Variants in ITGAL observed in about 807,000 individuals in gnomAD.
ITGAL encodes the protein integrin alpha-L.
In ITGAL, 68 loss-of-function variants were observed where a neutral mutation model predicts 138.4. The observed-to-expected ratio is 0.49, with a 90% CI of 0.40 to 0.60. ITGAL has a LOEUF of 0.60. Ranked by LOEUF, ITGAL falls within the 20% of genes least tolerant of loss-of-function variation. The pLI is 0.00. For missense variants in ITGAL, 1,256 were observed against 1,478.6 expected (o/e 0.85, Z 2.47); for synonymous variants, 561 against 584.3 (o/e 0.96, Z 0.57).
At chr16:30,514,463 G>C (rs908899598) in intron 25 of ITGAL, among the ~76,000 whole-genome samples, 1 of 152,132 alleles carries the variant, frequency 6.6e-6, no homozygotes, top group Non-Finnish European at 1.5e-5. Context: ...TTTTAGTAGA[G>C]ATGGGGTTTT....
intron 20 of ITGAL, 68 bp downstream of exon 20, chr16:30,505,530 A>G: frequency 8.4e-7 from 1 of 1,185,406 alleles, no homozygotes; most frequent in East Asian, 2.3e-5. Flanking sequence ...TCCACTCACC[A>G]GATATGTCAT....
In ITGAL at chr16:30,502,396, CAA is replaced by C. The variant is rs57501055; in HGVS notation, c.2146-1756_2146-1755del. Among the ~76,000 whole-genome samples, 48 of 80,072 alleles carry C rather than the reference CAA, an allele frequency of 6.0e-4. 1 individual carries two copies. The highest frequency in any genetic ancestry group is 1.5e-3 in the East Asian group (3 of 2,038). The allele number at this position is 80,072 out of a possible 152,430, so 52.5% of individuals were successfully genotyped here. Reference sequence around the variant, plus strand: ...TGGGCGACAGAGCAAGACTCCATCTCAAAAAAAAAAAAAAAAAAAAAAAAGGA... The same window carrying C: ...TGGGCGACAGAGCAAGACTCCATCTCAAAAAAAAAAAAAAAAAAAAAAGGA... On this transcript the variant is annotated intron_variant, in intron 17 of 30. Coordinates refer to ENST00000356798, the MANE Select transcript of ITGAL (RefSeq NM_002209.3).
intron 27 of ITGAL, 28 bp downstream of exon 27, chr16:30,517,733 G>A (rs2051190359): frequency 6.2e-7 from 1 of 1,613,144 alleles, no homozygotes; most frequent in East Asian, 2.2e-5. Context: ...GAGAGACGGT[G>A]GGGCTGGGCG....
At position 30,499,089 on chromosome 16, in the gene ITGAL, G is replaced by A. The variant is rs1567477544; in HGVS notation, c.1848G>A (p.Val616=). 1.2e-6 allele frequency: 2 copies of A among 1,614,042 alleles called. No individual in the cohort carries two copies. The highest frequency in any genetic ancestry group is 1.7e-6 in the Non-Finnish European group (2 of 1,179,996). ...TGCCCTGCAGCTCCCGGCCCGTGGT[G>A]GATATGGTCACCCTGATGTCCTTCT... The part of the protein sequence containing the change: ...QMIVLSSRPV[V]DMVTLMSFSP... The change falls in exon 16 of 31, where the codon GTG becomes GTA. Residue 616 remains valine (V), a synonymous_variant. Transcript: ENST00000356798.
At chr16:30,510,566 T>C in intron 22 of ITGAL, 95 bp downstream of exon 22, 1 of 773,346 alleles carries the variant, frequency 1.3e-6, no homozygotes, top group East Asian at 2.5e-5. Context: ...GAGCAGGTGA[T>C]TGTCAAGAAG....
In ITGAL at chr16:30,472,772, G is replaced by A; in HGVS notation, c.-66G>A. Reference sequence around the variant, plus strand: ...TTTCCTCTTTCACCCTGTCTAGGTTGCCAGCAAATCCCACGGGCCTCCTGA... The same window carrying A: ...TTTCCTCTTTCACCCTGTCTAGGTTACCAGCAAATCCCACGGGCCTCCTGA... On this transcript the variant is annotated 5_prime_UTR_variant, in exon 1 of 31. Coordinates refer to ENST00000356798, the MANE Select transcript of ITGAL (RefSeq NM_002209.3). The A allele has an allele frequency of 2.1e-6, 3 of 1,446,130 alleles. No individual in the cohort carries two copies. The highest frequency in any genetic ancestry group is 1.9e-6 in the Non-Finnish European group (2 of 1,035,892). The allele number at this position is 1,446,130 out of a possible 1,614,324, so 89.6% of individuals were successfully genotyped here. A position where few individuals can be genotyped will look rare whatever the true frequency, so the allele number is the denominator to read the frequency against.
chr16:30,510,944 C>A lies in ITGAL; in HGVS notation c.2683C>A (p.His895Asn). Residue 895 changes from histidine to asparagine, a missense_variant, in exon 23 of 31, where the codon CAC (histidine) becomes AAC (asparagine). Physicochemically the swap from His to Asn is moderately conservative, Grantham distance 68. This residue lies in a region of ITGAL where 867 missense variants were observed against 972.5 expected (regional missense o/e 0.89). Transcript: ENST00000356798. The part of the protein sequence containing the change: ...NSSWGDSVEL[H>N]ANVTCNNEDS... ...CTCCTGGGGGGACTCGGTTGAATTGCACGCCAATGTGACCTGGTGAGCAGG... is the reference window on the plus strand; with the variant it reads ...CTCCTGGGGGGACTCGGTTGAATTGAACGCCAATGTGACCTGGTGAGCAGG... 6.2e-7 allele frequency: 1 copy of A among 1,614,026 alleles called. No homozygotes were observed. The highest frequency in any genetic ancestry group is 1.3e-5 in the African/African-American group (1 of 74,986).
intron 30 of ITGAL, among the ~76,000 whole-genome samples, chr16:30,521,095 T>C (rs1468113418): frequency 1.4e-5 from 2 of 144,908 alleles, no homozygotes; most frequent in Non-Finnish European, 3.0e-5. Context: ...AAAAATAAAA[T>C]AAAATAAATA....
At chr16:30,479,558 G>C (rs1460482902) in intron 6 of ITGAL, 97 bp downstream of exon 6, 2 of 1,219,810 alleles carry the variant, frequency 1.6e-6, no homozygotes, top group Admixed American at 4.2e-5. Flanking sequence ...GGAATCCTCA[G>C]AGCCTATGGG....
chr16:30,492,685 T>C (rs1487717270), intron 11 of ITGAL, among the ~76,000 whole-genome samples: 9 of 150,916 alleles, frequency 6.0e-5, no homozygotes, highest in Non-Finnish European at 1.2e-4. Context: ...GCCTCTCGAG[T>C]AGCTGGGACT....
At chr16:30,497,675 C>T (rs906122247) in intron 15 of ITGAL, among the ~76,000 whole-genome samples, 33 of 151,702 alleles carry the variant, frequency 2.2e-4, no homozygotes, top group Admixed American at 1.2e-3. Flanking sequence ...GACGGGGTTT[C>T]GCCATGTTGG....
chr16:30,514,671 A>G (rs1040994456), intron 25 of ITGAL, among the ~76,000 whole-genome samples: 6 of 150,898 alleles, frequency 4.0e-5, no homozygotes, highest in Admixed American at 2.0e-4. Context: ...TGATCTACCC[A>G]CCTCAGCCTC....
intron 28 of ITGAL, 40 bp downstream of exon 28, chr16:30,517,935 GCC>G (rs2051195159): frequency 6.4e-7 from 1 of 1,570,548 alleles, no homozygotes; most frequent in Admixed American, 1.7e-5. Flanking sequence ...TGCTGTGGGG[GCC>G]CCAATGCCTG....
intron 17 of ITGAL, among the ~76,000 whole-genome samples, chr16:30,502,787 G>A (rs993842452): frequency 6.6e-6 from 1 of 150,510 alleles, no homozygotes; most frequent in African/African-American, 2.4e-5. Flanking sequence ...GTATAGGATT[G>A]GGACATAAGA....
chr16:30,521,734 C>A lies in ITGAL; in HGVS notation c.*69C>A. On this transcript the variant is annotated 3_prime_UTR_variant, in exon 31 of 31. Coordinates refer to ENST00000356798, the MANE Select transcript of ITGAL (RefSeq NM_002209.3). ...ATGCCCAGGGCCACTCTGCCTCTGCCTGCATTCTGCCGTGTGCCCTCGGGC... is the reference window on the plus strand; with the variant it reads ...ATGCCCAGGGCCACTCTGCCTCTGCATGCATTCTGCCGTGTGCCCTCGGGC... 6.7e-7 allele frequency: 1 copy of A among 1,497,282 alleles called. No individual in the cohort carries two copies. The highest frequency in any genetic ancestry group is 9.1e-7 in the Non-Finnish European group (1 of 1,095,340). 92.7% of individuals were successfully genotyped at this position (1,497,282 alleles called of 1,614,324 possible). A position where few individuals can be genotyped will look rare whatever the true frequency, so the allele number is the denominator to read the frequency against.
rs2051263488 is a variant in ITGAL at position 30,522,156 on chromosome 16, G to A, written c.*491G>A. On this transcript the variant is annotated 3_prime_UTR_variant, in exon 31 of 31. Transcript: ENST00000356798. The surrounding 1 kb of genome is among the most constrained non-coding windows in gnomAD (Gnocchi z 4.0). ...GGCACACGCCTTGTTCTTGGCCAAAGACCAAATTCCTTGGCATGCCTTCCA... is the reference window on the plus strand; with the variant it reads ...GGCACACGCCTTGTTCTTGGCCAAAAACCAAATTCCTTGGCATGCCTTCCA... 6.5e-6 allele frequency: 1 copy of A among 154,348 alleles called. No individual in the cohort carries two copies. The highest frequency in any genetic ancestry group is 1.4e-5 in the Non-Finnish European group (1 of 69,496). 9.6% of individuals were successfully genotyped at this position (154,348 alleles called of 1,614,324 possible).
In ITGAL at chr16:30,501,526, G is replaced by A. The variant is rs1370748533; in HGVS notation, c.2145+2037G>A. ...CAGGAGATGGAGGTTGCAGTGAGCC[G>A]AGATCGTGCCATTGCACTCCAGCCT... On this transcript the variant is annotated intron_variant, in intron 17 of 30. Transcript: ENST00000356798. Among the ~76,000 whole-genome samples the A allele has an allele frequency of 1.2e-4, 18 of 148,032 alleles. No homozygotes were observed. The South Asian group carries it at 1.3e-3, about 11-fold the overall frequency.
intron 17 of ITGAL, among the ~76,000 whole-genome samples, chr16:30,501,903 C>T (rs560797008): frequency 5.3e-5 from 8 of 151,696 alleles, no homozygotes; most frequent in Admixed American, 2.0e-4. Flanking sequence ...CTTGGTGGAG[C>T]GCACCTGTAG....
At chr16:30,520,251 T>G (rs565174212) in intron 30 of ITGAL, among the ~76,000 whole-genome samples, 2 of 152,018 alleles carry the variant, frequency 1.3e-5, no homozygotes, top group Non-Finnish European at 2.9e-5. Flanking sequence ...CTGGGCAACA[T>G]GGAAAGCATC....
Sources: allele counts gnomAD v4.1 joint callset (sites outside exome capture counted in the v4.1 genomes callset), GRCh38; gene constraint gnomAD v4.1.1; regional missense constraint gnomAD v4.1.1; non-coding constraint Gnocchi (gnomAD v3.1); transcripts MANE v1.5; gene names NCBI Gene and HGNC (gene_info 2026-07-23, HGNC 2026-07-21).